PLCL2: variants seen among roughly 807,000 people sequenced by gnomAD.
The protein encoded by PLCL2 is inactive phospholipase C-like protein 2.
PLCL2 carries 4 observed loss-of-function variants against 79.6 expected under a neutral mutation model. The observed-to-expected ratio is 0.05, with a 90% CI of 0.02 to 0.11. The LOEUF is 0.11. Ranked by LOEUF, PLCL2 falls within the 10% of genes least tolerant of loss-of-function variation. The pLI is 1.00. For missense variants in PLCL2, 895 were observed against 1,291.0 expected (o/e 0.69, Z 4.70); for synonymous variants, 484 against 457.7 (o/e 1.06, Z -0.73).
At chr3:17,048,729 A>G (rs934772660) in intron 4 of PLCL2, among the ~76,000 whole-genome samples, 3 of 152,212 alleles carry the variant, frequency 2.0e-5, no homozygotes, top group Non-Finnish European at 4.4e-5. Context: ...TGTGATGCTA[A>G]TCATCTCTGA....
intron 4 of PLCL2, among the ~76,000 whole-genome samples, chr3:17,044,873 G>A (rs2064764591): frequency 6.6e-6 from 1 of 152,194 alleles, no homozygotes; most frequent in Admixed American, 6.5e-5. Context: ...ACATGTGCTT[G>A]TACTTAAAAA....
chr3:16,962,913 C>T (rs2063769359), intron 1 of PLCL2, among the ~76,000 whole-genome samples: 2 of 152,154 alleles, frequency 1.3e-5, no homozygotes, highest in Admixed American at 1.3e-4. Flanking sequence ...CATAAACACA[C>T]TTGCAAGTAC....
At chr3:16,907,809 G>T (rs566484976) in intron 1 of PLCL2, among the ~76,000 whole-genome samples, 3 of 152,070 alleles carry the variant, frequency 2.0e-5, no homozygotes, top group Admixed American at 6.5e-5. Context: ...CAGGAGTTGT[G>T]CCCTTGAAGT....
intron 5 of PLCL2, among the ~76,000 whole-genome samples, chr3:17,075,606 G>C (rs907458607): frequency 6.0e-5 from 9 of 151,228 alleles, no homozygotes; most frequent in African/African-American, 2.2e-4. Flanking sequence ...TATGTCTGGA[G>C]TCATGCAACC....
chr3:17,089,219 C>T (rs1396392631), intron 5 of PLCL2, among the ~76,000 whole-genome samples: 1 of 152,126 alleles, frequency 6.6e-6, no homozygotes, highest in Non-Finnish European at 1.5e-5. Flanking sequence ...CACACAGAAG[C>T]ATAGGCACAC....
intron 3 of PLCL2, among the ~76,000 whole-genome samples, chr3:17,026,797 G>A (rs910202092): frequency 8.6e-5 from 13 of 152,026 alleles, no homozygotes; most frequent in Admixed American, 3.9e-4. Context: ...AACCCAGGAG[G>A]CAGAGGTTGC....
In PLCL2 at chr3:17,041,301, G is replaced by T. The variant is rs573733957; in HGVS notation, c.3019-1573G>T. Among the ~76,000 whole-genome samples, 6 of 152,272 alleles carry T rather than the reference G, an allele frequency of 3.9e-5. No individual in the cohort carries two copies. The South Asian group carries it at 1.2e-3, about 32-fold the overall frequency. Reference sequence around the variant, plus strand: ...TGCCATAGGCTGTGGACTTCTTGAGGACAGGGGTTGTATCCTGTAGGTCAG... The same window carrying T: ...TGCCATAGGCTGTGGACTTCTTGAGTACAGGGGTTGTATCCTGTAGGTCAG... On this transcript the variant is annotated intron_variant, in intron 3 of 5. Transcript: ENST00000615277.
chr3:17,050,780 C>T (rs2064831299), intron 4 of PLCL2, among the ~76,000 whole-genome samples: 1 of 152,182 alleles, frequency 6.6e-6, no homozygotes, highest in Non-Finnish European at 1.5e-5. Context: ...TATGATCGAG[C>T]AATCCCACTG....
intron 1 of PLCL2, among the ~76,000 whole-genome samples, chr3:16,905,111 G>T (rs951772559): frequency 6.6e-6 from 1 of 152,146 alleles, no homozygotes; most frequent in African/African-American, 2.4e-5. Context: ...TATTTTTGTT[G>T]TGACAGTCCC....
intron 1 of PLCL2, among the ~76,000 whole-genome samples, chr3:16,937,249 G>A (rs28690613): frequency 1.1e-3 from 171 of 152,250 alleles, no homozygotes; most frequent in African/African-American, 4.0e-3. Context: ...GCAAGAATAG[G>A]CTACCGGGAG....
At chr3:17,028,184 C>CTGCA (rs1445683263) in intron 3 of PLCL2, among the ~76,000 whole-genome samples, 1 of 152,162 alleles carries the variant, frequency 6.6e-6, no homozygotes, top group Non-Finnish European at 1.5e-5. Context: ...GTGAGCAGCT[C>CTGCA]TGCATCGTCT....
At chr3:16,913,525 TTGAC>T (rs1696928053) in intron 1 of PLCL2, among the ~76,000 whole-genome samples, 2 of 152,096 alleles carry the variant, frequency 1.3e-5, no homozygotes, top group African/African-American at 4.8e-5. Context: ...ATTTTAATGG[TTGAC>T]TGCCTTCTGA....
At chr3:17,082,501 A>G (rs1486972937) in intron 5 of PLCL2, among the ~76,000 whole-genome samples, 1 of 152,162 alleles carries the variant, frequency 6.6e-6, no homozygotes, top group Non-Finnish European at 1.5e-5. Context: ...TTAGACACAT[A>G]GAACAAAATG....
intron 5 of PLCL2, among the ~76,000 whole-genome samples, chr3:17,072,393 G>A (rs921769509): frequency 1.3e-5 from 2 of 152,090 alleles, no homozygotes; most frequent in African/African-American, 4.8e-5. Flanking sequence ...TATGGGCCGG[G>A]CATGGTAGCT....
chr3:16,992,219 G>A (rs557162481), intron 1 of PLCL2, among the ~76,000 whole-genome samples: 1 of 152,234 alleles, frequency 6.6e-6, no homozygotes, highest in South Asian at 2.1e-4. Context: ...GAGTGGTGAT[G>A]GCCCTGATTC....
At chr3:16,980,426 G>A (rs1305736293) in intron 1 of PLCL2, among the ~76,000 whole-genome samples, 1 of 149,538 alleles carries the variant, frequency 6.7e-6, no homozygotes, top group Non-Finnish European at 1.5e-5. Context: ...AGACGGGGCG[G>A]TTGCCAGGCA....
chr3:16,963,494 G>A (rs946451293), intron 1 of PLCL2, among the ~76,000 whole-genome samples: 3 of 152,030 alleles, frequency 2.0e-5, no homozygotes, highest in Non-Finnish European at 4.4e-5. Context: ...TAATAAAATT[G>A]CATGTTCTGA....
chr3:16,885,297 C>G lies in PLCL2; in HGVS notation c.258C>G (p.Ser86Arg). ...GCGTTGCGCTCGCCCCGACCCCCAGCGCGGTCGTCTGTACCCTCCCCCGGG... is the reference window on the plus strand; with the variant it reads ...GCGTTGCGCTCGCCCCGACCCCCAGGGCGGTCGTCTGTACCCTCCCCCGGG... ...PRGVALAPTP[S>R]AVVCTLPRES... is the part of the protein sequence containing the mutation. Residue 86 changes from serine to arginine, a missense_variant, in exon 1 of 6, where the codon AGC (serine) becomes AGG (arginine). Ser to Arg is a moderately radical substitution (Grantham distance 110, BLOSUM62 -1). Coordinates refer to ENST00000615277, the MANE Select transcript of PLCL2 (RefSeq NM_001144382.2). The G allele has an allele frequency of 1.5e-6, 1 of 661,922 alleles. No homozygotes were observed. The highest frequency in any genetic ancestry group is 2.4e-4 in the Middle Eastern group (1 of 4,192). The allele number at this position is 661,922 out of a possible 1,614,324, so 41.0% of individuals were successfully genotyped here.
Position 17,009,292 on chromosome 3 carries a change from A to C in PLCL2, c.328-382A>C, listed in dbSNP as rs2064295443. On this transcript the variant is annotated intron_variant, in intron 1 of 5. Coordinates refer to ENST00000615277, the MANE Select transcript of PLCL2 (RefSeq NM_001144382.2). This position sits in a 1 kb window ranked among gnomAD's most constrained non-coding sequence, Gnocchi z 4.0. ...TGAGCCACCATGCCCGGCCAAAAAA[A>C]ATTTTTTTTTGTAGAGATGGGATCT... Among the ~76,000 whole-genome samples the C allele has an allele frequency of 1.3e-5, 2 of 151,888 alleles. No individual in the cohort carries two copies. Among genetic ancestry groups the C allele is most frequent in the South Asian group, 4.2e-4 (2 of 4,818 alleles).
Sources: allele counts gnomAD v4.1 joint callset (sites outside exome capture counted in the v4.1 genomes callset), GRCh38; gene constraint gnomAD v4.1.1; non-coding constraint Gnocchi (gnomAD v3.1); transcripts MANE v1.5; gene names NCBI Gene and HGNC (gene_info 2026-07-23, HGNC 2026-07-21).